Variants in ATRNL1 observed in about 807,000 individuals in gnomAD.
ATRNL1 encodes the protein attractin like 1.
ATRNL1 carries 95 observed loss-of-function variants against 182.7 expected under a neutral mutation model. The observed-to-expected ratio is 0.52, with a 90% CI of 0.44 to 0.62. ATRNL1 has a LOEUF of 0.62. Ranked by LOEUF, ATRNL1 falls within the 20% of genes least tolerant of loss-of-function variation. The probability of loss-of-function intolerance (pLI) is 0.00; values close to 1 mark genes in which losing one functional copy is unlikely to be tolerated. For missense variants in ATRNL1, 1,471 were observed against 1,679.5 expected (o/e 0.88, Z 2.17); for synonymous variants, 576 against 568.3 (o/e 1.01, Z -0.19).
intron 7 of ATRNL1, among the ~76,000 whole-genome samples, chr10:115,169,017 C>CTT (rs71010011): frequency 2.8e-4 from 29 of 104,248 alleles, no homozygotes; most frequent in Admixed American, 8.7e-4. Context: ...GGTGCAAGTT[C>CTT]TTTTTTTTTT....
At chr10:115,173,296 C>T (rs1313169542) in intron 8 of ATRNL1, among the ~76,000 whole-genome samples, 6 of 151,722 alleles carry the variant, frequency 4.0e-5, no homozygotes, top group African/African-American at 1.5e-4. Context: ...GTTTTCTTTT[C>T]TGATTTTGTT....
intron 26 of ATRNL1, among the ~76,000 whole-genome samples, chr10:115,599,999 C>T (rs1856502086): frequency 1.3e-5 from 2 of 152,038 alleles, no homozygotes; most frequent in Non-Finnish European, 1.5e-5. Flanking sequence ...CCATCTCCAC[C>T]CCAGGCAACC....
intron 24 of ATRNL1, among the ~76,000 whole-genome samples, chr10:115,481,494 A>G (rs1049546486): frequency 6.6e-6 from 1 of 150,900 alleles, no homozygotes; most frequent in East Asian, 1.9e-4. Flanking sequence ...CTTATAAAAT[A>G]TTTTTATCTA....
intron 19 of ATRNL1, among the ~76,000 whole-genome samples, chr10:115,383,637 A>T (rs908788612): frequency 6.6e-6 from 1 of 152,018 alleles, no homozygotes; most frequent in Admixed American, 6.6e-5. Flanking sequence ...TGCAAAATTC[A>T]GCATCGAATA....
chr10:115,470,517 G>A (rs1848256273), intron 24 of ATRNL1, among the ~76,000 whole-genome samples: 1 of 150,346 alleles, frequency 6.7e-6, no homozygotes, highest in Non-Finnish European at 1.5e-5. Context: ...GATTGAAAGG[G>A]AAAAGGGTTC....
At chr10:115,683,550 T>TTTTTTG (rs1555045370) in intron 26 of ATRNL1, among the ~76,000 whole-genome samples, 6 of 144,906 alleles carry the variant, frequency 4.1e-5, no homozygotes, top group South Asian at 2.2e-4. Context: ...GAACTAGCGT[T>TTTTTTG]TTTTTTTTTT....
intron 26 of ATRNL1, among the ~76,000 whole-genome samples, chr10:115,598,414 G>A (rs1427618322): frequency 6.9e-6 from 1 of 144,004 alleles, no homozygotes; most frequent in Non-Finnish European, 1.5e-5. Flanking sequence ...CCCTGGCTGG[G>A]GTGCAGAGGC....
chr10:115,361,912 T>C (rs1266303043), intron 19 of ATRNL1, among the ~76,000 whole-genome samples: 5 of 152,098 alleles, frequency 3.3e-5, no homozygotes, highest in African/African-American at 1.2e-4. Flanking sequence ...TTGAAAACAT[T>C]CAGTAAGTAC....
intron 24 of ATRNL1, among the ~76,000 whole-genome samples, chr10:115,474,290 C>T (rs921060766): frequency 2.0e-5 from 3 of 151,352 alleles, no homozygotes; most frequent in African/African-American, 7.3e-5. Context: ...TCACTCCTCA[C>T]CTGTGAGGTT....
chr10:115,441,633 T>C (rs558789193), intron 21 of ATRNL1, among the ~76,000 whole-genome samples: 2 of 152,130 alleles, frequency 1.3e-5, no homozygotes, highest in East Asian at 3.9e-4. Flanking sequence ...CAAACTGATT[T>C]CTCTGACTTT....
chr10:115,935,084 A>C (rs917935334), intron 28 of ATRNL1, among the ~76,000 whole-genome samples: 11 of 152,156 alleles, frequency 7.2e-5, no homozygotes, highest in Non-Finnish European at 1.0e-4. Context: ...TCACGCCTCT[A>C]TCTTTCTTTT....
intron 15 of ATRNL1, among the ~76,000 whole-genome samples, chr10:115,288,205 C>T (rs542427282): frequency 6.6e-6 from 1 of 152,048 alleles, no homozygotes. Flanking sequence ...TGCAGGTATC[C>T]CATTGATATA....
intron 26 of ATRNL1, among the ~76,000 whole-genome samples, chr10:115,615,627 G>A (rs146467070): frequency 9.2e-5 from 14 of 152,162 alleles, no homozygotes; most frequent in South Asian, 6.2e-4. Flanking sequence ...GGATCATGGC[G>A]GTAGATTCCC....
At chr10:115,807,468 A>G (rs534491543) in intron 27 of ATRNL1, among the ~76,000 whole-genome samples, 1 of 152,282 alleles carries the variant, frequency 6.6e-6, no homozygotes, top group South Asian at 2.1e-4. Context: ...AGTGTCTGAT[A>G]ATTTTACCCC....
At chr10:115,148,148 C>T (rs1846052981) in intron 5 of ATRNL1, among the ~76,000 whole-genome samples, 1 of 151,874 alleles carries the variant, frequency 6.6e-6, no homozygotes, top group South Asian at 2.1e-4. Flanking sequence ...TGTAGTTTTC[C>T]TATAGAGATT....
intron 28 of ATRNL1, among the ~76,000 whole-genome samples, chr10:115,896,037 A>C (rs1251481734): frequency 6.6e-6 from 1 of 152,234 alleles, no homozygotes; most frequent in Non-Finnish European, 1.5e-5. Context: ...CAAGGAGCCC[A>C]GTTAGCGTCT....
intron 26 of ATRNL1, among the ~76,000 whole-genome samples, chr10:115,621,311 A>AGAGAGAGG (rs1857755169): frequency 1.1e-5 from 1 of 93,106 alleles, no homozygotes; most frequent in African/African-American, 3.5e-5. Context: ...AGAGAGAGAG[A>AGAGAGAGG]GAGTGTGTGA....
intron 27 of ATRNL1, among the ~76,000 whole-genome samples, chr10:115,781,816 C>T (rs1319968169): frequency 1.3e-5 from 2 of 152,094 alleles, no homozygotes; most frequent in African/African-American, 4.8e-5. Context: ...TCTGTATAAG[C>T]TATATTTCAA....
intron 27 of ATRNL1, among the ~76,000 whole-genome samples, chr10:115,741,253 T>G (rs1344283890): frequency 6.6e-6 from 1 of 152,102 alleles, no homozygotes; most frequent in African/African-American, 2.4e-5. Context: ...CAATACTCAA[T>G]GTATTGCTGA....
Sources: gnomAD v4.1 joint callset for allele counts (sites outside exome capture counted in the v4.1 genomes callset) on GRCh38, gnomAD v4.1.1 for gene constraint, MANE v1.5 for transcripts, NCBI Gene and HGNC (gene_info 2026-07-23, HGNC 2026-07-21) for gene names.